LGSN: variants seen among roughly 807,000 people sequenced by gnomAD.
LGSN encodes the protein lengsin.
A neutral mutation model predicts 19.5 loss-of-function variants in LGSN; 21 were observed. The observed-to-expected ratio is 1.07, with a 90% CI of 0.76 to 1.55. The LOEUF (loss-of-function observed/expected upper bound fraction) is 1.55, where lower values mean the gene tolerates loss of function less well. LGSN is among the 40% of genes most tolerant of loss of function. LGSN has a pLI of 0.00. For synonymous variants in LGSN, 257 were observed against 215.6 expected (o/e 1.19, Z -1.68); for missense variants, 673 against 608.5 (o/e 1.11, Z -1.12).
the LGSN span, among the ~76,000 whole-genome samples, chr6:63,490,734 C>T: frequency 5.3e-5 from 8 of 152,022 alleles, no homozygotes; most frequent in South Asian, 2.1e-4. Flanking sequence ...CCACCACGCC[C>T]GGCTACCAAA....
chr6:63,296,197 T>C (rs990265077), intron 1 of LGSN, among the ~76,000 whole-genome samples: 1 of 152,160 alleles, frequency 6.6e-6, no homozygotes, highest in Non-Finnish European at 1.5e-5. Flanking sequence ...TTATATTTCC[T>C]AGAACAAAGG....
the LGSN span, among the ~76,000 whole-genome samples, chr6:63,400,578 T>C: frequency 6.6e-6 from 1 of 152,224 alleles, no homozygotes; most frequent in Non-Finnish European, 1.5e-5. Context: ...TGTAAATGCA[T>C]GCATATCTCT....
the LGSN span, among the ~76,000 whole-genome samples, chr6:63,468,723 C>T: frequency 6.6e-6 from 1 of 151,960 alleles, no homozygotes; most frequent in Non-Finnish European, 1.5e-5. Flanking sequence ...TCACTGCACC[C>T]GGCCATGTTT....
chr6:63,287,132 T>G (rs964308117), intron 2 of LGSN, among the ~76,000 whole-genome samples: 1 of 152,158 alleles, frequency 6.6e-6, no homozygotes, highest in Admixed American at 6.5e-5. Flanking sequence ...TAAGTAGATT[T>G]TAAGTATGAA....
chr6:63,453,845 A>G, the LGSN span, among the ~76,000 whole-genome samples: 9 of 151,706 alleles, frequency 5.9e-5, no homozygotes, highest in African/African-American at 2.2e-4. Flanking sequence ...TTTAGTAGAG[A>G]CAGGGTTTCA....
chr6:63,317,415 A>C (rs1013075123), intron 1 of LGSN, among the ~76,000 whole-genome samples: 1 of 152,190 alleles, frequency 6.6e-6, no homozygotes. Context: ...AGGAAGTGCG[A>C]GCTTAATCCA....
At chr6:63,417,948 A>G in the LGSN span, among the ~76,000 whole-genome samples, 1 of 152,348 alleles carries the variant, frequency 6.6e-6, no homozygotes, top group East Asian at 1.9e-4. Context: ...AACACAGCAG[A>G]ATAATGTTTA....
the LGSN span, chr6:63,549,143 A>G: frequency 1.5e-6 from 1 of 686,634 alleles, no homozygotes; most frequent in Non-Finnish European, 2.6e-6. Context: ...CTTTGCCAGC[A>G]GCTTTCTTTT....
the LGSN span, chr6:63,549,015 T>C: frequency 1.4e-6 from 1 of 727,966 alleles, no homozygotes; most frequent in Middle Eastern, 3.6e-4. Context: ...GACAACCAGC[T>C]CGATGGGATC....
At chr6:63,503,142 TA>T in the LGSN span, among the ~76,000 whole-genome samples, 25 of 152,300 alleles carry the variant, frequency 1.6e-4, no homozygotes, top group African/African-American at 4.3e-4. Context: ...CTGCAGGCTT[TA>T]AAAAAATGTT....
chr6:63,411,150 C>T, the LGSN span, among the ~76,000 whole-genome samples: 1 of 152,138 alleles, frequency 6.6e-6, no homozygotes, highest in Non-Finnish European at 1.5e-5. Flanking sequence ...GAAATTTTGC[C>T]AGCTCTCTAA....
chr6:63,505,599 AAGAAAG>A, the LGSN span, among the ~76,000 whole-genome samples: 1 of 133,702 alleles, frequency 7.5e-6, no homozygotes, highest in African/African-American at 2.8e-5. Flanking sequence ...GAAAGAAAGA[AAGAAAG>A]AAAGAAAGAA....
chr6:63,558,930 T>C, the LGSN span, among the ~76,000 whole-genome samples: 1 of 152,196 alleles, frequency 6.6e-6, no homozygotes, highest in Non-Finnish European at 1.5e-5. Context: ...TCCTAAAGTG[T>C]CTATTACAAT....
At chr6:63,345,260 GTGGTTTC>G in the LGSN span, among the ~76,000 whole-genome samples, 1 of 152,080 alleles carries the variant, frequency 6.6e-6, no homozygotes, top group Admixed American at 6.6e-5. Context: ...TTTTAGTAAG[GTGGTTTC>G]TTTTTTATTT....
At chr6:63,472,651 C>A in the LGSN span, among the ~76,000 whole-genome samples, 1 of 152,120 alleles carries the variant, frequency 6.6e-6, no homozygotes, top group Middle Eastern at 3.2e-3. Context: ...AAAATTATGC[C>A]CAATTCGGGC....
chr6:63,520,929 T>G, the LGSN span, among the ~76,000 whole-genome samples: 3 of 152,140 alleles, frequency 2.0e-5, no homozygotes, highest in African/African-American at 7.2e-5. Flanking sequence ...TCATGTCCTT[T>G]GCAGGGACAT....
chr6:63,425,277 A>G, the LGSN span, among the ~76,000 whole-genome samples: 1 of 152,214 alleles, frequency 6.6e-6, no homozygotes, highest in African/African-American at 2.4e-5. Context: ...CACTTATCCC[A>G]AAGACATAAA....
At chr6:63,405,824 G>A in the LGSN span, among the ~76,000 whole-genome samples, 1 of 152,200 alleles carries the variant, frequency 6.6e-6, no homozygotes, top group South Asian at 2.1e-4. Flanking sequence ...ATAAAAGGAG[G>A]GAGGAAGATC....
At chr6:63,547,482 G>C in the LGSN span, among the ~76,000 whole-genome samples, 1 of 147,428 alleles carries the variant, frequency 6.8e-6, no homozygotes, top group African/African-American at 2.5e-5. Flanking sequence ...CTGCCACCTC[G>C]CCCGGCCAGG....
Sources: allele counts gnomAD v4.1 joint callset (sites outside exome capture counted in the v4.1 genomes callset), GRCh38; gene constraint gnomAD v4.1.1; transcripts MANE v1.5; gene names NCBI Gene and HGNC (gene_info 2026-07-23, HGNC 2026-07-21).